OSBPL10: variants seen among roughly 807,000 people sequenced by gnomAD.
OSBPL10 encodes oxysterol binding protein like 10.
Under a neutral mutation model 81.7 loss-of-function variants are expected in OSBPL10, and 49 were observed. The observed-to-expected ratio is 0.60, with a 90% confidence interval of 0.48 to 0.76. OSBPL10 has a LOEUF of 0.76. Among genes scored for constraint, OSBPL10 ranks in the 30% least tolerant of loss-of-function variants. OSBPL10 has a pLI of 0.00. For missense variants in OSBPL10, 923 were observed against 987.8 expected (o/e 0.93, Z 0.88); for synonymous variants, 419 against 383.6 (o/e 1.09, Z -1.08).
intron 1 of OSBPL10, among the ~76,000 whole-genome samples, chr3:31,886,139 ATCTT>A (rs1695731709): frequency 6.6e-6 from 1 of 152,156 alleles, no homozygotes; most frequent in Admixed American, 6.5e-5. Context: ...CATGAAAAAA[ATCTT>A]TCTTTGAAGC....
chr3:31,773,395 G>A (rs1698439014), intron 4 of OSBPL10, among the ~76,000 whole-genome samples: 1 of 152,128 alleles, frequency 6.6e-6, no homozygotes, highest in African/African-American at 2.4e-5. Context: ...GCCCAAACAT[G>A]CAAAAACTGT....
At chr3:31,982,648 G>GT (rs1698873618), upstream of OSBPL10, among the ~76,000 whole-genome samples, 2 of 127,540 alleles carry the variant, frequency 1.6e-5, no homozygotes, top group African/African-American at 5.6e-5. Flanking sequence ...CCTACATAGT[G>GT]TTAAAAAAAA....
chr3:32,053,539 C>T lies in OSBPL10; in HGVS notation n.186-6936G>A, dbSNP rs561352776. On this transcript the variant is annotated intron_variant and non_coding_transcript_variant, in intron 1 of 3. Transcript: ENST00000479173. ...AAAGGGTTATCAAAGGTTTATGAGGCTCTTACCTTATGGTCAGACATTAAA... is the reference window on the plus strand; with the variant it reads ...AAAGGGTTATCAAAGGTTTATGAGGTTCTTACCTTATGGTCAGACATTAAA... Among the ~76,000 whole-genome samples the T allele has an allele frequency of 2.0e-3, 301 of 152,298 alleles. 2 individuals are homozygous for T. The highest frequency in any genetic ancestry group is 6.9e-3 in the African/African-American group (285 of 41,560).
At chr3:31,998,600 T>C (rs1170106360) in intron 2 of OSBPL10, among the ~76,000 whole-genome samples, 1 of 152,240 alleles carries the variant, frequency 6.6e-6, no homozygotes, top group African/African-American at 2.4e-5. Flanking sequence ...TGGATCTTTT[T>C]CAAATAATTT....
chr3:31,796,479 ATTTTGG>A (rs2125438928), intron 4 of OSBPL10, among the ~76,000 whole-genome samples: 1 of 152,270 alleles, frequency 6.6e-6, no homozygotes, highest in South Asian at 2.1e-4. Context: ...GCATCCATGG[ATTTTGG>A]TATCTGAAGT....
intron 1 of OSBPL10, among the ~76,000 whole-genome samples, chr3:31,957,623 G>T (rs1698044343): frequency 6.6e-6 from 1 of 151,984 alleles, no homozygotes; most frequent in Non-Finnish European, 1.5e-5. Context: ...GTTGTTATTG[G>T]TTTGTTTTTG....
intron 6 of OSBPL10, among the ~76,000 whole-genome samples, chr3:31,715,451 C>T (rs1246882046): frequency 2.0e-5 from 3 of 152,192 alleles, no homozygotes; most frequent in African/African-American, 7.2e-5. Context: ...AGCAATCCCT[C>T]CCTCCTCTAA....
intron 1 of OSBPL10, among the ~76,000 whole-genome samples, chr3:31,917,131 G>C (rs191886980): frequency 6.6e-6 from 1 of 152,186 alleles, no homozygotes; most frequent in Non-Finnish European, 1.5e-5. Flanking sequence ...AGACAAAGTC[G>C]GTGTCACAGC....
At chr3:31,675,165 A>C (rs2125525639) in intron 8 of OSBPL10, among the ~76,000 whole-genome samples, 1 of 121,170 alleles carries the variant, frequency 8.3e-6, no homozygotes, top group African/African-American at 4.4e-5. Flanking sequence ...TCATGTCCTT[A>C]ATCGGGATAC....
At chr3:31,963,215 C>G (rs913465593) in intron 1 of OSBPL10, among the ~76,000 whole-genome samples, 1 of 151,932 alleles carries the variant, frequency 6.6e-6, no homozygotes, top group African/African-American at 2.4e-5. Flanking sequence ...CCCCGTCCTT[C>G]CTTCCTTTCC....
At chr3:31,706,219 A>G (rs533790823) in intron 6 of OSBPL10, among the ~76,000 whole-genome samples, 1 of 152,300 alleles carries the variant, frequency 6.6e-6, no homozygotes, top group East Asian at 1.9e-4. Flanking sequence ...GTTTAGGGAC[A>G]TTCCCTGGTG....
intron 6 of OSBPL10, among the ~76,000 whole-genome samples, chr3:31,723,817 G>A (rs924742517): frequency 5.3e-5 from 8 of 152,110 alleles, no homozygotes; most frequent in African/African-American, 9.7e-5. Context: ...ATCTCTGAGC[G>A]TTGACTTTCC....
chr3:31,949,763 G>A (rs1204588768), intron 1 of OSBPL10, among the ~76,000 whole-genome samples: 1 of 148,752 alleles, frequency 6.7e-6, no homozygotes, highest in African/African-American at 2.5e-5. Flanking sequence ...CCTTAATTGA[G>A]AGAGGTAACT....
At chr3:31,733,221 C>A (rs1397232067) in intron 6 of OSBPL10, 36 bp downstream of exon 6, 8 of 1,601,634 alleles carry the variant, frequency 5.0e-6, no homozygotes, top group Non-Finnish European at 6.8e-6. Flanking sequence ...AGCGATAACA[C>A]AAGCCATGAA....
intron 1 of OSBPL10, among the ~76,000 whole-genome samples, chr3:31,884,995 T>C (rs1251393826): frequency 6.6e-6 from 1 of 152,180 alleles, no homozygotes; most frequent in African/African-American, 2.4e-5. Context: ...AAAGCCATCT[T>C]AATTCTCACC....
At chr3:31,850,232 A>C (rs955580257) in intron 3 of OSBPL10, among the ~76,000 whole-genome samples, 1 of 151,908 alleles carries the variant, frequency 6.6e-6, no homozygotes, top group Non-Finnish European at 1.5e-5. Context: ...TACTCAGGAG[A>C]CTGAGGCAGA....
intron 4 of OSBPL10, among the ~76,000 whole-genome samples, chr3:31,829,535 C>T (rs1700181916): frequency 2.0e-5 from 3 of 152,142 alleles, no homozygotes; most frequent in Non-Finnish European, 4.4e-5. Flanking sequence ...AGAAGACTTG[C>T]TCTTAAACAA....
chr3:31,675,184 T>C (rs201744403), intron 8 of OSBPL10, among the ~76,000 whole-genome samples: 8 of 44,700 alleles, frequency 1.8e-4, no homozygotes, highest in African/African-American at 4.2e-4. Context: ...ACCTTGGGAA[T>C]TGGGAACTCC....
At chr3:31,918,557 G>A (rs547108071) in intron 1 of OSBPL10, among the ~76,000 whole-genome samples, 129 of 152,152 alleles carry the variant, frequency 8.5e-4, no homozygotes, top group African/African-American at 2.8e-3. Flanking sequence ...ATAGTAAGGC[G>A]GTCATCACTG....
Sources: allele counts gnomAD v4.1 joint callset (sites outside exome capture counted in the v4.1 genomes callset), GRCh38; gene constraint gnomAD v4.1.1; transcripts MANE v1.5; gene names NCBI Gene and HGNC (gene_info 2026-07-23, HGNC 2026-07-21).